Variants in PDE4B observed in about 807,000 individuals in gnomAD.
PDE4B encodes the protein 3',5'-cyclic-AMP phosphodiesterase 4B.
A neutral mutation model predicts 82.2 loss-of-function variants in PDE4B; 20 were observed. The observed-to-expected ratio is 0.24, with a 90% confidence interval of 0.17 to 0.35. PDE4B has a LOEUF of 0.35. Among genes scored for constraint, PDE4B ranks in the 10% least tolerant of loss-of-function variants. PDE4B has a pLI of 1.00. For synonymous variants in PDE4B, 320 were observed against 318.9 expected, an observed-to-expected ratio of 1.00 and a Z score of -0.04; for missense variants, 655 against 907.2, an observed-to-expected ratio of 0.72 and a Z score of 3.57.
At chr1:66,268,697 A>T (rs1655242066) in intron 7 of PDE4B, among the ~76,000 whole-genome samples, 1 of 151,316 alleles carries the variant, frequency 6.6e-6, no homozygotes, top group African/African-American at 2.4e-5. Context: ...AAAAAGAAAG[A>T]AAAAGAAAAT....
In PDE4B at chr1:66,139,749, A is replaced by C. The variant is rs991461137; in HGVS notation, c.282-107711A>C. ...CCCTCCCCCCTCAAAAAAAAAAAAA[A>C]AAACAAAAAACAACAACCAATGGGC... On this transcript the variant is annotated intron_variant, in intron 3 of 16. Transcript: ENST00000341517. Among the ~76,000 whole-genome samples, 797 of 149,678 alleles carry C rather than the reference A, an allele frequency of 5.3e-3. 6 individuals are homozygous for C. Among genetic ancestry groups the C allele is most frequent in the Admixed American group, 9.0e-3 (133 of 14,858 alleles).
At chr1:65,897,658 A>C (rs1456351075) in intron 1 of PDE4B, among the ~76,000 whole-genome samples, 2 of 152,132 alleles carry the variant, frequency 1.3e-5, no homozygotes, top group South Asian at 2.1e-4. Context: ...TGCAAAGGAC[A>C]TGATTTTGTT....
intron 3 of PDE4B, among the ~76,000 whole-genome samples, chr1:66,102,202 T>C (rs1645239545): frequency 6.6e-6 from 1 of 152,156 alleles, no homozygotes; most frequent in Non-Finnish European, 1.5e-5. Flanking sequence ...ATCTCTATAA[T>C]CTAAGATCTT....
intron 3 of PDE4B, among the ~76,000 whole-genome samples, chr1:66,079,429 G>A (rs1476262809): frequency 6.6e-6 from 1 of 152,074 alleles, no homozygotes; most frequent in Admixed American, 6.6e-5. Context: ...GGTTACATGT[G>A]AAATATGCCA....
intron 3 of PDE4B, among the ~76,000 whole-genome samples, chr1:65,954,271 A>G (rs1033982257): frequency 6.6e-6 from 1 of 152,116 alleles, no homozygotes; most frequent in Non-Finnish European, 1.5e-5. Context: ...TATATGGTTC[A>G]GAGAACTTGT....
At chr1:65,937,840 C>T (rs1231099116) in intron 3 of PDE4B, among the ~76,000 whole-genome samples, 1 of 152,122 alleles carries the variant, frequency 6.6e-6, no homozygotes, top group African/African-American at 2.4e-5. Flanking sequence ...AGGATAGATT[C>T]TGGCCTATAT....
intron 1 of PDE4B, among the ~76,000 whole-genome samples, chr1:65,846,342 G>C (rs1391437178): frequency 6.6e-6 from 1 of 152,150 alleles, no homozygotes; most frequent in African/African-American, 2.4e-5. Context: ...GTTAAGTATA[G>C]AATAAAGTAT....
At chr1:65,982,926 T>C (rs1650761207) in intron 3 of PDE4B, among the ~76,000 whole-genome samples, 1 of 152,164 alleles carries the variant, frequency 6.6e-6, no homozygotes, top group Non-Finnish European at 1.5e-5. Context: ...CATCGCCTCA[T>C]TGGTTCCAGA....
At chr1:66,304,993 AGCAGT>A (rs1330190124) in intron 7 of PDE4B, among the ~76,000 whole-genome samples, 1 of 152,170 alleles carries the variant, frequency 6.6e-6, no homozygotes, top group Non-Finnish European at 1.5e-5. Flanking sequence ...ACTGGTGTAC[AGCAGT>A]GAACATGACA....
At chr1:65,906,675 A>G (rs1647031380) in intron 1 of PDE4B, among the ~76,000 whole-genome samples, 2 of 152,146 alleles carry the variant, frequency 1.3e-5, no homozygotes, top group South Asian at 2.1e-4. Flanking sequence ...TTATTGTTGA[A>G]CATTAGCATT....
At chr1:66,189,209 A>G (rs950367036) in intron 3 of PDE4B, among the ~76,000 whole-genome samples, 1 of 152,068 alleles carries the variant, frequency 6.6e-6, no homozygotes, top group African/African-American at 2.4e-5. Context: ...ATCAGCTGTT[A>G]GTCTGATGGT....
At chr1:65,819,626 A>C (rs1369169110) in intron 1 of PDE4B, among the ~76,000 whole-genome samples, 1 of 150,622 alleles carries the variant, frequency 6.6e-6, no homozygotes, top group Non-Finnish European at 1.5e-5. Flanking sequence ...CTTAGCCTTG[A>C]GTAGCTGGGA....
intron 1 of PDE4B, among the ~76,000 whole-genome samples, chr1:65,842,857 T>A (rs994563945): frequency 3.3e-5 from 5 of 152,176 alleles, no homozygotes; most frequent in African/African-American, 1.2e-4. Flanking sequence ...TACTTCTGAA[T>A]CTTCACAGAA....
intron 1 of PDE4B, among the ~76,000 whole-genome samples, chr1:65,807,604 C>G (rs895872188): frequency 6.6e-6 from 1 of 152,324 alleles, no homozygotes; most frequent in East Asian, 1.9e-4. Context: ...GTGCTAGTTT[C>G]CTCCTATCCC....
chr1:66,203,436 G>C (rs1482572258), intron 3 of PDE4B, among the ~76,000 whole-genome samples: 1 of 152,326 alleles, frequency 6.6e-6, no homozygotes, highest in Middle Eastern at 3.4e-3. Flanking sequence ...ATATCCTGCA[G>C]AGTGTTTTCC....
chr1:66,148,094 A>T (rs1646311886), intron 3 of PDE4B, among the ~76,000 whole-genome samples: 1 of 151,860 alleles, frequency 6.6e-6, no homozygotes, highest in South Asian at 2.1e-4. Context: ...ACATGGCAAA[A>T]CCCTGTGTGT....
At chr1:65,822,394 T>G (rs1458238710) in intron 1 of PDE4B, among the ~76,000 whole-genome samples, 1 of 152,230 alleles carries the variant, frequency 6.6e-6, no homozygotes, top group Non-Finnish European at 1.5e-5. Flanking sequence ...ATTTACATTT[T>G]CAACTTTGCA....
chr1:66,149,427 A>G (rs566245883), intron 3 of PDE4B, among the ~76,000 whole-genome samples: 2 of 152,264 alleles, frequency 1.3e-5, no homozygotes, highest in Admixed American at 1.3e-4. Context: ...CTCCCTTGAT[A>G]TTATCATTTG....
intron 3 of PDE4B, among the ~76,000 whole-genome samples, chr1:65,987,310 T>G (rs1054357975): frequency 1.3e-5 from 2 of 152,162 alleles, no homozygotes; most frequent in African/African-American, 4.8e-5. Context: ...TTCCTAAAGA[T>G]GAGTAATTAA....
Sources: gnomAD v4.1 joint callset for allele counts (sites outside exome capture counted in the v4.1 genomes callset) on GRCh38, gnomAD v4.1.1 for gene constraint, MANE v1.5 for transcripts, NCBI Gene and HGNC (gene_info 2026-07-23, HGNC 2026-07-21) for gene names.